BCOR: variants seen among roughly 807,000 people sequenced by gnomAD.
BCOR encodes BCL-6 corepressor.
Under a neutral mutation model 86.7 loss-of-function variants are expected in BCOR, and 10 were observed. The ratio of observed to expected loss-of-function variants is 0.12; its 90% CI spans 0.07 to 0.20. The LOEUF (loss-of-function observed/expected upper bound fraction) is 0.20. BCOR is among the 10% of genes least tolerant of loss of function. The pLI is 1.00. For missense variants in BCOR, 1,259 were observed against 1,452.1 expected (o/e 0.87, Z 2.16); for synonymous variants, 611 against 609.0 (o/e 1.00, Z -0.05).
chrX:40,175,471 CAG>C (rs1202991505), intron 1 of BCOR, among the ~76,000 whole-genome samples: 1 of 113,439 alleles, frequency 8.8e-6, no homozygotes, highest in Non-Finnish European at 1.9e-5. Context: ...ACTTTTCCAA[CAG>C]AAAGTGTGTG....
chrX:40,115,046 G>T (rs1440767438), intron 1 of BCOR, among the ~76,000 whole-genome samples: 1 of 109,857 alleles, frequency 9.1e-6, no homozygotes, highest in Non-Finnish European at 1.9e-5. Flanking sequence ...TAGAGACGGG[G>T]TTTCATTGTG....
chrX:40,104,165 G>C (rs1438392306), intron 1 of BCOR, among the ~76,000 whole-genome samples: 2 of 111,509 alleles, frequency 1.8e-5, no homozygotes, highest in Admixed American at 1.9e-4. Context: ...CTCGCGGCTG[G>C]GTTTTCCTTC....
At chrX:40,143,416 T>C (rs1937967321) in intron 1 of BCOR, among the ~76,000 whole-genome samples, 1 of 112,780 alleles carries the variant, frequency 8.9e-6, no homozygotes, top group East Asian at 2.8e-4. Context: ...TAGCAATTGA[T>C]TGTTAAACTA....
chrX:40,074,778 G>C lies in BCOR; in HGVS notation c.568C>G (p.Pro190Ala). Residue 190 changes from proline to alanine, a missense_variant, in exon 4 of 15, where the codon CCC becomes GCC. Pro to Ala is a conservative substitution (Grantham distance 27). Transcript: ENST00000378444. ...CCCTCCATGTAAGGATTGACCCAGG[G>C]CAGCCGCAGATAACTAGCACCATTG... is the stretch of plus-strand genomic sequence containing the variant. ...NINGASYLRLPWVNPYMEGAT... is the reference protein window; with the variant it reads ...NINGASYLRLAWVNPYMEGAT... 1 of 1,211,891 alleles carries C rather than the reference G, an allele frequency of 8.3e-7. No homozygotes were observed. Among genetic ancestry groups the C allele is most frequent in the South Asian group, 1.8e-5 (1 of 56,984 alleles).
chrX:40,067,288 A>G (rs1374146235), intron 6 of BCOR, among the ~76,000 whole-genome samples: 2 of 111,844 alleles, frequency 1.8e-5, no homozygotes, highest in Non-Finnish European at 3.8e-5. Context: ...GAGCACCCCC[A>G]TTAGATATGG....
chrX:40,084,925 C>T (rs7063133), intron 1 of BCOR, among the ~76,000 whole-genome samples: 4,431 of 111,884 alleles, frequency 0.04, 88 homozygotes, highest in Middle Eastern at 0.11. Flanking sequence ...GAGAGGGGCA[C>T]CCACCTTCTT....
At chrX:40,127,125 C>T (rs1306024620) in intron 1 of BCOR, among the ~76,000 whole-genome samples, 1 of 112,235 alleles carries the variant, frequency 8.9e-6, no homozygotes, top group African/African-American at 3.2e-5. Flanking sequence ...TCTGAGTTGG[C>T]ATCATGACTT....
At chrX:40,156,837 C>T (rs918305809) in intron 1 of BCOR, among the ~76,000 whole-genome samples, 4 of 113,768 alleles carry the variant, frequency 3.5e-5, no homozygotes, top group African/African-American at 1.3e-4. Flanking sequence ...CAGATGGGGC[C>T]TGCTGCTCGA....
At chrX:40,064,026 G>T in intron 7 of BCOR, 74 bp from the exon 8 acceptor site, 1 of 697,465 alleles carries the variant, frequency 1.4e-6, no homozygotes, top group South Asian at 2.8e-5. Context: ...CATCACTAAT[G>T]GGGTGGGGGA....
intron 1 of BCOR, among the ~76,000 whole-genome samples, chrX:40,123,605 G>A (rs988432999): frequency 5.4e-4 from 60 of 110,544 alleles, no homozygotes; most frequent in Non-Finnish European, 1.1e-3. Context: ...CGCCCGCCTC[G>A]GCCTCCCAAA....
At chrX:40,064,089 G>C (rs1401911103) in intron 7 of BCOR, 137 bp from the exon 8 acceptor site, 11 of 634,370 alleles carry the variant, frequency 1.7e-5, no homozygotes, top group Non-Finnish European at 2.4e-5. Flanking sequence ...AATCATCTTT[G>C]GCCATCTGGG....
At chrX:40,168,765 C>T (rs932235112) in intron 1 of BCOR, among the ~76,000 whole-genome samples, 3 of 113,433 alleles carry the variant, frequency 2.6e-5, no homozygotes, top group Non-Finnish European at 5.6e-5. Context: ...CCTTTCATTA[C>T]GGGGCCTACG....
chrX:40,171,404 T>A (rs1938616655), intron 1 of BCOR, among the ~76,000 whole-genome samples: 1 of 111,754 alleles, frequency 8.9e-6, no homozygotes, highest in African/African-American at 3.3e-5. Flanking sequence ...GGAAGTGTTT[T>A]ATGGACCTGT....
intron 1 of BCOR, among the ~76,000 whole-genome samples, chrX:40,157,905 C>G (rs1938330183): frequency 8.9e-6 from 1 of 112,717 alleles, no homozygotes; most frequent in African/African-American, 3.2e-5. Flanking sequence ...CTAGAGAATA[C>G]CGTGGATTTC....
intron 1 of BCOR, among the ~76,000 whole-genome samples, chrX:40,163,352 C>CT (rs1455629998): frequency 3.6e-5 from 4 of 111,372 alleles, no homozygotes; most frequent in Non-Finnish European, 5.7e-5. Flanking sequence ...ATAGAGACAG[C>CT]TGTCTTGATA....
At chrX:40,098,527 A>G (rs1325331732), upstream of BCOR, among the ~76,000 whole-genome samples, 1 of 111,077 alleles carries the variant, frequency 9.0e-6, no homozygotes, top group Non-Finnish European at 1.9e-5. Flanking sequence ...CGCTACCCAG[A>G]AGGCCAGTGG....
chrX:40,062,123 G>A lies in BCOR; in HGVS notation c.4428+16C>T, dbSNP rs753776453. On this transcript the variant is annotated intron_variant, in intron 10 of 14. Coordinates refer to ENST00000378444, the MANE Select transcript of BCOR (RefSeq NM_001123385.2). ...CCCCCAGCCTGCAGCCCCAGGGAGC[G>A]CCCACAGGGACACACCTCATAGCCA... The A allele has an allele frequency of 3.4e-6, 4 of 1,193,316 alleles. No homozygotes were observed. The highest frequency in any genetic ancestry group is 3.4e-6 in the Non-Finnish European group (3 of 886,786).
At chrX:40,088,853 C>A (rs1360479456) in intron 1 of BCOR, among the ~76,000 whole-genome samples, 1 of 112,054 alleles carries the variant, frequency 8.9e-6, no homozygotes, top group African/African-American at 3.3e-5. Context: ...CCGTGGTTCC[C>A]CCCTGAAATA....
At chrX:40,081,019 TG>T (rs1318644430) in intron 1 of BCOR, among the ~76,000 whole-genome samples, 8 of 111,403 alleles carry the variant, frequency 7.2e-5, no homozygotes, top group African/African-American at 2.3e-4. Context: ...AATCTTTAGC[TG>T]CCCCATGAAC....
Sources: gnomAD v4.1 joint callset for allele counts (sites outside exome capture counted in the v4.1 genomes callset) on GRCh38, gnomAD v4.1.1 for gene constraint, MANE v1.5 for transcripts, NCBI Gene and HGNC (gene_info 2026-07-23, HGNC 2026-07-21) for gene names.